Variants in FAM174B observed in about 807,000 individuals in gnomAD.
FAM174B encodes family with sequence similarity 174 member B.
A neutral mutation model predicts 10.9 loss-of-function variants in FAM174B; 12 were observed. That is an observed-to-expected ratio of 1.10 (90% CI 0.71 to 1.79). The LOEUF is 1.79. FAM174B is among the 40% of genes most tolerant of loss of function. The pLI is 0.00. For synonymous variants in FAM174B, 132 were observed against 115.8 expected (o/e 1.14, Z -0.90); for missense variants, 266 against 233.3 (o/e 1.14, Z -0.91).
intron 1 of FAM174B, among the ~76,000 whole-genome samples, chr15:92,636,736 C>A (rs914920729): frequency 6.6e-6 from 1 of 152,178 alleles, no homozygotes; most frequent in East Asian, 1.9e-4. Context: ...CAGCTGAGAC[C>A]TCCCCAACAG....
chr15:92,629,380 A>T (rs965863205), intron 2 of FAM174B, among the ~76,000 whole-genome samples: 1 of 152,210 alleles, frequency 6.6e-6, no homozygotes, highest in Non-Finnish European at 1.5e-5. Context: ...TGACTTTCCT[A>T]GAGAAAGCCT....
At chr15:92,625,301 C>T (rs2050746043) in intron 2 of FAM174B, among the ~76,000 whole-genome samples, 2 of 152,072 alleles carry the variant, frequency 1.3e-5, no homozygotes, top group Admixed American at 1.3e-4. Context: ...AAGATGTTAC[C>T]AGAGAGTTAC....
rs372180141 is a variant in FAM174B, at chr15:92,631,229, A to ATTATATATT, written c.345-885_345-884insAATATATAA. ...ATATATTATATATTATATTATATAT[A>ATTATATATT]ATATATTATATATTATATTATATAT... On this transcript the variant is annotated intron_variant, in intron 1 of 2. Transcript: ENST00000327355. 1.5e-3 allele frequency among the ~76,000 whole-genome samples: 4 copies of ATTATATATT among 2,682 alleles called. 2 individuals carry two copies. In the Admixed American group the frequency reaches 0.03, roughly 20 times the overall value. The allele number at this position is 2,682 out of a possible 152,430, so 1.8% of individuals were successfully genotyped here.
intron 1 of FAM174B, among the ~76,000 whole-genome samples, chr15:92,633,077 T>A (rs1280370313): frequency 6.6e-6 from 1 of 152,196 alleles, no homozygotes; most frequent in Non-Finnish European, 1.5e-5. Context: ...GTCCCTCCTT[T>A]TTCAGAATAT....
At chr15:92,651,084 T>C (rs985300675) in intron 1 of FAM174B, among the ~76,000 whole-genome samples, 1 of 152,028 alleles carries the variant, frequency 6.6e-6, no homozygotes, top group African/African-American at 2.4e-5. Flanking sequence ...TGGTAGAAAA[T>C]GAAGAAATAC....
At chr15:92,619,592 T>A in intron 2 of FAM174B, 133 bp from the exon 3 acceptor site, 1 of 1,014,558 alleles carries the variant, frequency 9.9e-7, no homozygotes, top group Non-Finnish European at 1.4e-6. Flanking sequence ...ACAGGACCTT[T>A]GAGCGTGCTG....
chr15:92,623,667 C>T (rs1283323523), intron 2 of FAM174B, among the ~76,000 whole-genome samples: 6 of 152,328 alleles, frequency 3.9e-5, no homozygotes, highest in East Asian at 3.9e-4. Flanking sequence ...TGGCAGCTGA[C>T]GTCTCAGTGC....
chr15:92,635,312 A>C (rs765107071), intron 1 of FAM174B, among the ~76,000 whole-genome samples: 2 of 152,196 alleles, frequency 1.3e-5, no homozygotes, highest in Admixed American at 6.5e-5. Context: ...TTACATTTCA[A>C]ACAATCAACT....
At chr15:92,622,389 G>A (rs140529277) in intron 2 of FAM174B, among the ~76,000 whole-genome samples, 228 of 152,354 alleles carry the variant, frequency 1.5e-3, no homozygotes, top group African/African-American at 5.2e-3. Flanking sequence ...TCTCCAGGAG[G>A]TGGTAGAGCC....
chr15:92,630,409 GCCCCAGAGGA>G, intron 1 of FAM174B, 64 bp from the exon 2 acceptor site: 1 of 1,500,786 alleles, frequency 6.7e-7, no homozygotes. Context: ...TGGGCCCCAA[GCCCCAGAGGA>G]CCCGACAGCA....
chr15:92,634,642 A>G (rs975803724), intron 1 of FAM174B: 3 of 152,218 alleles, frequency 2.0e-5, no homozygotes, highest in Non-Finnish European at 4.4e-5. Context: ...CAGGAAATAA[A>G]AAATCCCAAG....
At chr15:92,626,732 G>T (rs541054191) in intron 2 of FAM174B, among the ~76,000 whole-genome samples, 1 of 152,240 alleles carries the variant, frequency 6.6e-6, no homozygotes, top group African/African-American at 2.4e-5. Context: ...GTGCTTCAGG[G>T]AGCTAACACT....
At chr15:92,633,449 G>A (rs1354962391) in intron 1 of FAM174B, among the ~76,000 whole-genome samples, 2 of 152,130 alleles carry the variant, frequency 1.3e-5, no homozygotes, top group African/African-American at 2.4e-5. Flanking sequence ...CCTTGGGTAC[G>A]GAAAAGGAGT....
At chr15:92,643,573 A>G (rs923362876) in intron 1 of FAM174B, among the ~76,000 whole-genome samples, 4 of 152,178 alleles carry the variant, frequency 2.6e-5, no homozygotes, top group African/African-American at 9.7e-5. Flanking sequence ...CAAGTATATA[A>G]ATACAATTCA....
Position 92,619,315 on chromosome 15 carries a change from G to T in FAM174B, c.*141C>A, listed in dbSNP as rs778331707. ...GTCTGAGCAGATGCCTGACACGCAC[G>T]ATGGAGCTGGGGTTTTATACATAAC... On this transcript the variant is annotated 3_prime_UTR_variant, in exon 3 of 3. Coordinates refer to ENST00000327355, the MANE Select transcript of FAM174B (RefSeq NM_207446.3). The T allele has an allele frequency of 1.1e-6, 1 of 894,830 alleles. No individual in the cohort carries two copies. The highest frequency in any genetic ancestry group is 1.8e-6 in the Non-Finnish European group (1 of 544,562). The allele number at this position is 894,830 out of a possible 1,614,324, so 55.4% of individuals were successfully genotyped here.
At position 92,631,216 on chromosome 15, in the gene FAM174B, T is replaced by TTATATTATATATAATATATTA; in HGVS notation, c.345-892_345-872dup. ...TTATATATATTACATATATTATATA[T>TTATATTATATATAATATATTA]TATATTATATATAATATATTATATA... is the stretch of plus-strand genomic sequence containing the variant. On this transcript the variant is annotated intron_variant, in intron 1 of 2. Coordinates refer to ENST00000327355, the MANE Select transcript of FAM174B (RefSeq NM_207446.3). 1.4e-3 allele frequency among the ~76,000 whole-genome samples: 20 copies of TTATATTATATATAATATATTA among 14,662 alleles called. 6 individuals are homozygous for TTATATTATATATAATATATTA. Among genetic ancestry groups the TTATATTATATATAATATATTA allele is most frequent in the African/African-American group, 4.3e-3 (15 of 3,526 alleles). 9.6% of individuals were successfully genotyped at this position (14,662 alleles called of 152,430 possible). A position where few individuals can be genotyped will look rare whatever the true frequency, so the allele number is the denominator to read the frequency against.
At position 92,630,301 on chromosome 15, in the gene FAM174B, G is replaced by T; in HGVS notation, c.389C>A (p.Thr130Asn). Reference sequence around the variant, plus strand: ...CATTTCCACTCGCTCTGCTGGAGTGGTGATGATATCATACTTGCGTGTCTT... The same window carrying T: ...CATTTCCACTCGCTCTGCTGGAGTGTTGATGATATCATACTTGCGTGTCTT... Reference protein sequence around the residue: ...LKKTRKYDIITTPAERVEMAP... With the variant: ...LKKTRKYDIINTPAERVEMAP... The change falls in exon 2 of 3, where the codon ACC (threonine) becomes AAC (asparagine). Residue 130 changes from threonine to asparagine, a missense_variant. Transcript: ENST00000327355. 6.2e-7 allele frequency: 1 copy of T among 1,613,698 alleles called. No individual in the cohort carries two copies. The highest frequency in any genetic ancestry group is 8.5e-7 in the Non-Finnish European group (1 of 1,179,736).
At chr15:92,624,250 C>G (rs1296422444) in intron 2 of FAM174B, among the ~76,000 whole-genome samples, 1 of 152,202 alleles carries the variant, frequency 6.6e-6, no homozygotes, top group East Asian at 1.9e-4. Context: ...TACAGTTACC[C>G]TGCAGGTCAC....
chr15:92,654,678 G>T (rs1332245976), intron 1 of FAM174B, among the ~76,000 whole-genome samples: 1 of 151,850 alleles, frequency 6.6e-6, no homozygotes, highest in African/African-American at 2.4e-5. Context: ...ACCAAGGGTC[G>T]CCTAGAATCC....
Sources: gnomAD v4.1 joint callset for allele counts (sites outside exome capture counted in the v4.1 genomes callset) on GRCh38, gnomAD v4.1.1 for gene constraint, MANE v1.5 for transcripts, NCBI Gene and HGNC (gene_info 2026-07-23, HGNC 2026-07-21) for gene names.